The following FBXW7 variants were observed in gnomAD, a reference collection of about 807,000 sequenced individuals.
The protein encoded by FBXW7 is F-box/WD repeat-containing protein 7.
FBXW7 carries 11 observed loss-of-function variants against 86.3 expected under a neutral mutation model. The ratio of observed to expected loss-of-function variants is 0.13; its 90% CI spans 0.08 to 0.21. FBXW7 has a LOEUF of 0.21. FBXW7 is among the 10% of genes least tolerant of loss of function. FBXW7 has a pLI of 1.00. For missense variants in FBXW7, 488 were observed against 847.4 expected (o/e 0.58, Z 5.27); for synonymous variants, 313 against 297.9 (o/e 1.05, Z -0.52).
chr4:152,389,767 G>A (rs1414245668), intron 4 of FBXW7, among the ~76,000 whole-genome samples: 1 of 151,834 alleles, frequency 6.6e-6, no homozygotes, highest in African/African-American at 2.4e-5. Flanking sequence ...CCAAAAAAAA[G>A]CATATTACAG....
chr4:152,458,373 T>C (rs1331010338), intron 2 of FBXW7, among the ~76,000 whole-genome samples: 1 of 152,240 alleles, frequency 6.6e-6, no homozygotes, highest in African/African-American at 2.4e-5. Context: ...ACTATACTAG[T>C]GATGGAGCAC....
chr4:152,456,349 A>T (rs574878354), intron 2 of FBXW7, among the ~76,000 whole-genome samples: 2 of 143,002 alleles, frequency 1.4e-5, no homozygotes, highest in Non-Finnish European at 3.0e-5. Flanking sequence ...CTATCTCTTT[A>T]AAAAAATCCT....
intron 7 of FBXW7, among the ~76,000 whole-genome samples, chr4:152,337,394 A>G (rs1032577797): frequency 2.0e-5 from 3 of 151,998 alleles, no homozygotes; most frequent in Non-Finnish European, 4.4e-5. Flanking sequence ...GACTTAAGAT[A>G]TATAATAAAA....
chr4:152,478,569 T>C (rs1744618875), intron 2 of FBXW7, among the ~76,000 whole-genome samples: 2 of 152,230 alleles, frequency 1.3e-5, no homozygotes, highest in South Asian at 4.1e-4. Context: ...TCAATTCTTT[T>C]GGAGATAAGC....
intron 2 of FBXW7, among the ~76,000 whole-genome samples, chr4:152,448,536 C>T (rs1560910354): frequency 6.6e-6 from 1 of 152,126 alleles, no homozygotes; most frequent in Non-Finnish European, 1.5e-5. Flanking sequence ...AGCAGCAGGT[C>T]GAACGGCTCA....
chr4:152,490,194 T>C (rs993804301), intron 2 of FBXW7, among the ~76,000 whole-genome samples: 1 of 152,086 alleles, frequency 6.6e-6, no homozygotes, highest in African/African-American at 2.4e-5. Context: ...AGTTATTGTT[T>C]AATGGGTATC....
intron 2 of FBXW7, among the ~76,000 whole-genome samples, chr4:152,453,857 A>C (rs1425794629): frequency 6.6e-6 from 1 of 152,206 alleles, no homozygotes; most frequent in Non-Finnish European, 1.5e-5. Context: ...TGGAGAAAGG[A>C]GTATAATGAA....
chr4:152,423,266 A>G (rs1001217001), intron 2 of FBXW7, among the ~76,000 whole-genome samples: 5 of 152,208 alleles, frequency 3.3e-5, no homozygotes, highest in Non-Finnish European at 5.9e-5. Flanking sequence ...GATTTCATGA[A>G]GAAATGCTTC....
intron 2 of FBXW7, among the ~76,000 whole-genome samples, chr4:152,473,710 CTTT>C (rs1203412924): frequency 6.6e-6 from 1 of 152,034 alleles, no homozygotes; most frequent in Admixed American, 6.5e-5. Context: ...ACAAAACTGA[CTTT>C]TTAAGTCAGT....
intron 4 of FBXW7, among the ~76,000 whole-genome samples, chr4:152,380,317 T>A (rs1734951575): frequency 6.6e-6 from 1 of 151,846 alleles, no homozygotes; most frequent in South Asian, 2.1e-4. Context: ...AAAATGTAAA[T>A]CAACTAACCA....
At chr4:152,339,837 G>A (rs1730535831) in intron 6 of FBXW7, among the ~76,000 whole-genome samples, 1 of 151,444 alleles carries the variant, frequency 6.6e-6, no homozygotes, top group South Asian at 2.1e-4. Context: ...AGCTACTCAG[G>A]GGGCTGTGGC....
At chr4:152,330,991 A>T in intron 8 of FBXW7, 123 bp from the exon 9 acceptor site, 1 of 900,878 alleles carries the variant, frequency 1.1e-6, no homozygotes, top group African/African-American at 1.7e-5. Context: ...GAAATGCAAG[A>T]CATTGTCAAA....
chr4:152,337,561 A>G, intron 7 of FBXW7: 1 of 341,106 alleles, frequency 2.9e-6, no homozygotes, highest in Admixed American at 4.5e-5. Context: ...AGTTACTCTC[A>G]CATATATGAC....
At chr4:152,427,255 T>A (rs773492677) in intron 2 of FBXW7, among the ~76,000 whole-genome samples, 1 of 152,244 alleles carries the variant, frequency 6.6e-6, no homozygotes, top group Non-Finnish European at 1.5e-5. Context: ...TGCAACATGT[T>A]ACTCAGGGAG....
intron 2 of FBXW7, among the ~76,000 whole-genome samples, chr4:152,516,855 T>C (rs1255114447): frequency 6.6e-6 from 1 of 152,238 alleles, no homozygotes; most frequent in Non-Finnish European, 1.5e-5. Flanking sequence ...AGACAGGGTC[T>C]TATTTTGTCA....
chr4:152,332,774 A>T, intron 7 of FBXW7, 55 bp from the exon 8 acceptor site: 4 of 829,882 alleles, frequency 4.8e-6, no homozygotes, highest in Non-Finnish European at 6.2e-6. Flanking sequence ...TATATATTAT[A>T]TAATAAGTTA....
intron 2 of FBXW7, among the ~76,000 whole-genome samples, chr4:152,483,252 C>T (rs1447313591): frequency 6.6e-6 from 1 of 151,664 alleles, no homozygotes; most frequent in East Asian, 1.9e-4. Flanking sequence ...TTTAGAAGGT[C>T]TTTATTATGT....
At chr4:152,526,535 A>G (rs1181845737) in intron 2 of FBXW7, among the ~76,000 whole-genome samples, 2 of 152,234 alleles carry the variant, frequency 1.3e-5, no homozygotes, top group Non-Finnish European at 2.9e-5. Flanking sequence ...ACAAAAACTA[A>G]AATTAAGTAG....
chr4:152,441,961 G>T lies in FBXW7; in HGVS notation c.-119-29432C>A, dbSNP rs147538530. On this transcript the variant is annotated intron_variant, in intron 2 of 13. Transcript: ENST00000281708. ...TTCACTCTTAATCACACATTGTAGG[G>T]TAAAGAATAACATTTCACCATCCCT... 4.2e-4 allele frequency among the ~76,000 whole-genome samples: 64 copies of T among 152,192 alleles called. 1 individual carries two copies. The East Asian group carries it at 0.011, about 27-fold the overall frequency.
Sources: allele counts gnomAD v4.1 joint callset (sites outside exome capture counted in the v4.1 genomes callset), GRCh38; gene constraint gnomAD v4.1.1; transcripts MANE v1.5; gene names NCBI Gene and HGNC (gene_info 2026-07-23, HGNC 2026-07-21).